PAPLN: variants seen among roughly 807,000 people sequenced by gnomAD.
The protein encoded by PAPLN is papilin.
PAPLN carries 146 observed loss-of-function variants against 159.0 expected under a neutral mutation model. The ratio of observed to expected loss-of-function variants is 0.92; its 90% CI spans 0.80 to 1.05. The LOEUF is 1.05. PAPLN is among the 50% of genes least tolerant of loss of function. PAPLN has a pLI of 0.00. For synonymous variants in PAPLN, 734 were observed against 702.9 expected, an observed-to-expected ratio of 1.04 and a Z score of -0.70; for missense variants, 1,720 against 1,743.9, an observed-to-expected ratio of 0.99 and a Z score of 0.24.
intron 10 of PAPLN, 145 bp downstream of exon 10, chr14:73,252,286 G>T: frequency 7.6e-7 from 1 of 1,313,756 alleles, no homozygotes. Context: ...TGTTATGGGG[G>T]TCGCTTTGAG....
chr14:73,258,936 T>C, intron 14 of PAPLN, 43 bp from the exon 15 acceptor site: 1 of 1,554,450 alleles, frequency 6.4e-7, no homozygotes, highest in Non-Finnish European at 8.7e-7. Context: ...CCATCCTCTC[T>C]TCCTCCCTCT....
chr14:73,268,733 G>T lies in PAPLN; in HGVS notation c.3667+10G>T, dbSNP rs202232672. The T allele has an allele frequency of 4.4e-6, 7 of 1,597,386 alleles. No homozygotes were observed. The Admixed American group carries it at 6.8e-5, about 16-fold the overall frequency. On this transcript the variant is annotated intron_variant, in intron 26 of 26. Coordinates refer to ENST00000644200, the MANE Select transcript of PAPLN (RefSeq NM_001365906.3). ...AAGGTGGTCTCACCAGGTAGGAAAG[G>T]TCTATATCCGGGGATGGGAAGGACA...
intron 20 of PAPLN, 191 bp from the exon 21 acceptor site, chr14:73,264,020 C>T (rs1006495492): frequency 1.3e-6 from 2 of 1,509,668 alleles, no homozygotes; most frequent in African/African-American, 1.4e-5. Flanking sequence ...GTTCACGTGA[C>T]AGCTCCCTCC....
At chr14:73,255,147 A>G in intron 14 of PAPLN, 129 bp downstream of exon 14, 2 of 1,293,014 alleles carry the variant, frequency 1.5e-6, no homozygotes, top group Non-Finnish European at 2.1e-6. Context: ...CACTTCTCCC[A>G]TGTCTCCCCC....
intron 25 of PAPLN, among the ~76,000 whole-genome samples, chr14:73,267,908 C>A (rs1397729934): frequency 6.6e-6 from 1 of 152,194 alleles, no homozygotes; most frequent in Non-Finnish European, 1.5e-5. Context: ...CCCTTTACAG[C>A]TGTCCATGTT....
Position 73,245,911 on chromosome 14 carries a change from C to A in PAPLN, c.232-162C>A. ...CACAGCCTAGAGCACCATGGAGGGG[C>A]ACGCACAGGAGTTCGGGGGTCCGGG... is the stretch of plus-strand genomic sequence containing the variant. On this transcript the variant is annotated intron_variant, in intron 4 of 26. Coordinates refer to ENST00000644200, the MANE Select transcript of PAPLN (RefSeq NM_001365906.3). The surrounding 1 kb of genome is among the most constrained non-coding windows in gnomAD (Gnocchi z 4.2). 2.3e-6 allele frequency: 2 copies of A among 876,488 alleles called. No homozygotes were observed. The highest frequency in any genetic ancestry group is 3.4e-6 in the Non-Finnish European group (2 of 592,116). 54.3% of individuals were successfully genotyped at this position (876,488 alleles called of 1,614,324 possible).
intron 16 of PAPLN, 125 bp from the exon 17 acceptor site, chr14:73,260,584 G>GT: frequency 7.9e-7 from 1 of 1,258,164 alleles, no homozygotes; most frequent in Non-Finnish European, 1.0e-6. Flanking sequence ...ACGGGGACAC[G>GT]TCCTCTCCCC....
Position 73,261,150 on chromosome 14 carries a change from C to T in PAPLN, c.2107-6C>T, listed in dbSNP as rs1886529940. On this transcript the variant is annotated splice_region_variant and splice_polypyrimidine_tract_variant and intron_variant, in intron 17 of 26. Coordinates refer to ENST00000644200, the MANE Select transcript of PAPLN (RefSeq NM_001365906.3). ...CCCACTTCCCAATCATGGGTTTCCTCCCCAGGTCCACAACACCCACCAGCC... is the reference window on the plus strand; with the variant it reads ...CCCACTTCCCAATCATGGGTTTCCTTCCCAGGTCCACAACACCCACCAGCC... 3.1e-6 allele frequency: 5 copies of T among 1,614,134 alleles called. No homozygotes were observed. Among genetic ancestry groups the T allele is most frequent in the Non-Finnish European group, 4.2e-6 (5 of 1,180,040 alleles).
chr14:73,249,805 G>A (rs1469881093), intron 5 of PAPLN, 179 bp from the exon 6 acceptor site: 4 of 511,036 alleles, frequency 7.8e-6, no homozygotes, highest in Non-Finnish European at 1.2e-5. Flanking sequence ...ATCCTTAGAG[G>A]TGCAACAGAT....
rs1887907756 is a variant in PAPLN at position 73,273,434 on chromosome 14, G to A, written c.*770G>A. On this transcript the variant is annotated 3_prime_UTR_variant, in exon 27 of 27. Coordinates refer to ENST00000644200, the MANE Select transcript of PAPLN (RefSeq NM_001365906.3). ...GCCTCCTGAGTAGCTGGGATTACAG[G>A]TATGTGCCACCATGCCTGGCTAATT... is the stretch of plus-strand genomic sequence containing the variant. 6.6e-6 allele frequency: 1 copy of A among 151,872 alleles called. No individual in the cohort carries two copies. Among genetic ancestry groups the A allele is most frequent in the Admixed American group, 6.6e-5 (1 of 15,238 alleles). 9.4% of individuals were successfully genotyped at this position (151,872 alleles called of 1,614,324 possible). A position where few individuals can be genotyped will look rare whatever the true frequency, so the allele number is the denominator to read the frequency against.
Position 73,253,900 on chromosome 14 carries a change from C to A in PAPLN, c.1241C>A (p.Pro414His), listed in dbSNP as rs201605182. Residue 414 changes from proline to histidine, a missense_variant, in exon 12 of 27, where the codon CCT becomes CAT. By Grantham distance (77) the Pro-to-His change is moderately conservative (BLOSUM62 -2). Coordinates refer to ENST00000644200, the MANE Select transcript of PAPLN (RefSeq NM_001365906.3). ...AECAGLPGKP[P>H]AIQACNLQRC... ...TGTGCCGGGCTGCCTGGGAAGCCCC[C>A]TGCCATTCAGGCCTGTAACCTGCAG... 82 of 1,613,370 alleles carry A rather than the reference C, an allele frequency of 5.1e-5. No individual in the cohort carries two copies. The East Asian group carries it at 1.5e-3, about 30-fold the overall frequency.
intron 16 of PAPLN, 121 bp from the exon 17 acceptor site, chr14:73,260,588 T>C (rs55839454): frequency 0.026 from 32,873 of 1,265,126 alleles, 386 homozygotes; most frequent in Admixed American, 0.041. Context: ...GGACACGTCC[T>C]CTCCCCCCCA....
At chr14:73,237,843 G>A (rs990226861) in intron 1 of PAPLN, among the ~76,000 whole-genome samples, 3 of 152,130 alleles carry the variant, frequency 2.0e-5, no homozygotes, top group African/African-American at 4.8e-5. Context: ...GGACGGCCCC[G>A]GCGCGCACCC....
chr14:73,253,277 G>T (rs770321031), intron 11 of PAPLN: 4 of 1,340,352 alleles, frequency 3.0e-6, no homozygotes, highest in Admixed American at 1.9e-5. Flanking sequence ...CCCTGTCACC[G>T]CTTGGCCTTG....
intron 2 of PAPLN, 98 bp downstream of exon 2, chr14:73,239,930 T>C (rs1311306720): frequency 7.5e-6 from 11 of 1,459,138 alleles, no homozygotes; most frequent in South Asian, 1.4e-5. Flanking sequence ...AAAGGGGCGA[T>C]GTCAGGGAAG....
intron 7 of PAPLN, 39 bp from the exon 8 acceptor site, chr14:73,251,447 A>G: frequency 1.3e-6 from 2 of 1,575,866 alleles, no homozygotes; most frequent in Non-Finnish European, 1.7e-6. Context: ...CGGGAGAGGG[A>G]TAGCCCAGCA....
At chr14:73,256,651 C>G (rs1040384856) in intron 14 of PAPLN, among the ~76,000 whole-genome samples, 15 of 152,014 alleles carry the variant, frequency 9.9e-5, no homozygotes, top group African/African-American at 2.4e-5. Context: ...CCTGTAATCC[C>G]AGCACTTTGG....
At position 73,272,537 on chromosome 14, in the gene PAPLN, A is replaced by G; in HGVS notation, c.3710A>G (p.Asp1237Gly). Residue 1237 changes from aspartate (D) to glycine (G), a missense_variant, in exon 27 of 27, where the codon GAC becomes GGC. Physicochemically the swap from Asp to Gly is moderately conservative, Grantham distance 94. Coordinates refer to ENST00000644200, the MANE Select transcript of PAPLN (RefSeq NM_001365906.3). ...QPRDPGRDCV[D>G]QPELANCDLI... ...AGGGACCCTGGCAGGGACTGCGTCG[A>G]CCAGCCAGAGCTGGCCAACTGTGAT... is the stretch of plus-strand genomic sequence containing the variant. 1 of 1,586,750 alleles carries G rather than the reference A, an allele frequency of 6.3e-7. No homozygotes were observed. Among genetic ancestry groups the G allele is most frequent in the Non-Finnish European group, 8.6e-7 (1 of 1,158,334 alleles).
intron 19 of PAPLN, chr14:73,263,323 G>A (rs1413498443): frequency 4.1e-6 from 2 of 483,154 alleles, no homozygotes; most frequent in Admixed American, 6.8e-5. Context: ...CATGGGTCGA[G>A]CGTGTAGTTT....
Sources: allele counts gnomAD v4.1 joint callset (sites outside exome capture counted in the v4.1 genomes callset), GRCh38; gene constraint gnomAD v4.1.1; non-coding constraint Gnocchi (gnomAD v3.1); transcripts MANE v1.5; gene names NCBI Gene and HGNC (gene_info 2026-07-23, HGNC 2026-07-21).